The following MYO3B variants were observed in gnomAD, a reference collection of about 807,000 sequenced individuals.
MYO3B encodes myosin-IIIb.
Under a neutral mutation model 174.6 loss-of-function variants are expected in MYO3B, and 156 were observed. That is an observed-to-expected ratio of 0.89 (90% CI 0.78 to 1.02). The LOEUF is 1.02. Ranked by LOEUF, MYO3B falls within the 50% of genes least tolerant of loss-of-function variation. MYO3B has a pLI of 0.00. For missense variants in MYO3B, 1,632 were observed against 1,639.4 expected (o/e 1.00, Z 0.08); for synonymous variants, 563 against 569.1 (o/e 0.99, Z 0.15).
chr2:170,619,734 A>ATACTTTTT (rs1553539463), intron 32 of MYO3B, among the ~76,000 whole-genome samples: 4 of 33,518 alleles, frequency 1.2e-4, no homozygotes, highest in Non-Finnish European at 2.9e-4. Context: ...CTGCTGCCAT[A>ATACTTTTT]TTCTTTTTTT....
Position 170,382,101 on chromosome 2 carries a change from G to A in MYO3B, c.1057G>A (p.Val353Ile). ...CLEDDLVNLE[V>I]LDEDTIIHQL... ...TGAGGATGATTTGGTCAACCTAGAG[G>A]TTCTGGATGAGGTACTAAATATTTA... Residue 353 changes from valine to isoleucine, a missense_variant, in exon 10 of 35, where the codon GTT (valine) becomes ATT (isoleucine). By Grantham distance (29) the Val-to-Ile change is conservative. Coordinates refer to ENST00000408978, the MANE Select transcript of MYO3B (RefSeq NM_138995.5). 1.2e-6 allele frequency: 2 copies of A among 1,612,760 alleles called. No homozygotes were observed. Among genetic ancestry groups the A allele is most frequent in the Non-Finnish European group, 1.7e-6 (2 of 1,179,046 alleles).
chr2:170,284,964 A>G (rs1234059031), intron 7 of MYO3B, among the ~76,000 whole-genome samples: 6 of 152,376 alleles, frequency 3.9e-5, no homozygotes, highest in East Asian at 1.9e-4. Flanking sequence ...CATACTGTAC[A>G]TATCCAATTG....
chr2:170,278,061 A>G (rs2093476411), intron 7 of MYO3B, among the ~76,000 whole-genome samples: 1 of 152,184 alleles, frequency 6.6e-6, no homozygotes, highest in African/African-American at 2.4e-5. Flanking sequence ...AGTTTATTAG[A>G]CAGAATTAGA....
intron 30 of MYO3B, chr2:170,524,775 G>A (rs377382451): frequency 4.6e-5 from 13 of 284,074 alleles, no homozygotes; most frequent in African/African-American, 2.5e-4. Flanking sequence ...ATGAGCCACC[G>A]TGCCTGGCCT....
At chr2:170,318,140 G>A (rs995179257) in intron 7 of MYO3B, among the ~76,000 whole-genome samples, 1 of 152,168 alleles carries the variant, frequency 6.6e-6, no homozygotes, top group African/African-American at 2.4e-5. Flanking sequence ...ACAGTGCTTT[G>A]TAAAATATAA....
chr2:170,543,014 A>T (rs374143317), intron 31 of MYO3B, 48 bp downstream of exon 31: 8 of 1,490,050 alleles, frequency 5.4e-6, no homozygotes, highest in Middle Eastern at 3.4e-4. Context: ...ACTCCTTCAG[A>T]CTCATCCAAG....
At chr2:170,373,812 C>G (rs2094266540) in intron 9 of MYO3B, among the ~76,000 whole-genome samples, 1 of 140,828 alleles carries the variant, frequency 7.1e-6, no homozygotes, top group Non-Finnish European at 1.5e-5. Context: ...TGAGGAAATT[C>G]ATGTTGAATG....
Position 170,402,837 on chromosome 2 carries a change from C to G in MYO3B, c.2130-11C>G. 1.3e-6 allele frequency: 2 copies of G among 1,594,596 alleles called. No individual in the cohort carries two copies. The highest frequency in any genetic ancestry group is 1.7e-6 in the Non-Finnish European group (2 of 1,166,034). On this transcript the variant is annotated splice_polypyrimidine_tract_variant and intron_variant, in intron 18 of 34. Transcript: ENST00000408978. ...CTCCCCTAAAGAGTTTTGTTCTTCT[C>G]TCTCATGCAGTAGTGCAGGAGGTGG...
chr2:170,183,996 A>G (rs11687537), intron 1 of MYO3B, among the ~76,000 whole-genome samples: 64,881 of 151,690 alleles, frequency 0.43, 15,121 homozygotes, highest in East Asian at 0.56. Flanking sequence ...CTAATGTTGC[A>G]TTATCTTTGC....
chr2:170,650,420 A>G (rs1029514691), intron 32 of MYO3B, among the ~76,000 whole-genome samples: 1 of 152,110 alleles, frequency 6.6e-6, no homozygotes, highest in Non-Finnish European at 1.5e-5. Context: ...TCTCTGGTGA[A>G]GTTAAAATAT....
intron 28 of MYO3B, among the ~76,000 whole-genome samples, chr2:170,507,340 T>C (rs1687677086): frequency 2.0e-5 from 3 of 152,144 alleles, no homozygotes; most frequent in South Asian, 2.1e-4. Context: ...TTCACTCTCA[T>C]GCTATCTTGG....
In MYO3B at chr2:170,227,029, C is replaced by G. The variant is rs577935255; in HGVS notation, c.604-8962C>G. On this transcript the variant is annotated intron_variant, in intron 6 of 34. Transcript: ENST00000408978. ...GTCCCAAATTACCCATGACTGACCTCCAGTCAGTGCCTCCACTGCCCTGTT... is the reference window on the plus strand; with the variant it reads ...GTCCCAAATTACCCATGACTGACCTGCAGTCAGTGCCTCCACTGCCCTGTT... 1.4e-4 allele frequency among the ~76,000 whole-genome samples: 22 copies of G among 152,314 alleles called. No individual in the cohort carries two copies. The East Asian group carries it at 4.2e-3, about 29-fold the overall frequency.
chr2:170,262,913 T>C (rs1179882785), intron 7 of MYO3B, among the ~76,000 whole-genome samples: 1 of 152,232 alleles, frequency 6.6e-6, no homozygotes, highest in African/African-American at 2.4e-5. Flanking sequence ...ATTTAATGCA[T>C]ACTTAATCTA....
At position 170,214,820 on chromosome 2, in the gene MYO3B, T is replaced by C; in HGVS notation, c.518T>C (p.Val173Ala). 1 of 1,612,958 alleles carries C rather than the reference T, an allele frequency of 6.2e-7. No individual in the cohort carries two copies. The highest frequency in any genetic ancestry group is 1.1e-5 in the South Asian group (1 of 91,042). Residue 173 changes from valine (V) to alanine (A), a missense_variant, in exon 5 of 35, where the codon GTT becomes GCT. Val to Ala is a moderately conservative substitution (Grantham distance 64). Transcript: ENST00000408978. ...LLTTEGGVKL[V>A]DFGVSAQLTS... ...ACAACAGAAGGAGGAGTTAAGCTCG[T>C]TGACTTTGGTAATGACTGCTTGTCG... is the stretch of plus-strand genomic sequence containing the variant.
At chr2:170,322,622 A>G (rs901222081) in intron 7 of MYO3B, among the ~76,000 whole-genome samples, 9 of 152,172 alleles carry the variant, frequency 5.9e-5, no homozygotes, top group African/African-American at 2.2e-4. Flanking sequence ...CTATTCTTGC[A>G]GTTAGTACGA....
At chr2:170,649,002 AAATAATATATAATGTATAATATATAAAAT>A (rs1698658390) in intron 32 of MYO3B, among the ~76,000 whole-genome samples, 2 of 82,186 alleles carry the variant, frequency 2.4e-5, no homozygotes, top group African/African-American at 1.0e-4. Context: ...ATAATATATA[AAATAATATATAATGTATAATATATAAAAT>A]AATATATAAT....
chr2:170,353,942 A>C (rs1056755819), intron 8 of MYO3B, among the ~76,000 whole-genome samples: 1 of 152,206 alleles, frequency 6.6e-6, no homozygotes, highest in Non-Finnish European at 1.5e-5. Flanking sequence ...TATCATCCAC[A>C]TGATAATTGA....
chr2:170,593,277 A>AT (rs1693934386), intron 32 of MYO3B, among the ~76,000 whole-genome samples: 1 of 152,054 alleles, frequency 6.6e-6, no homozygotes, highest in African/African-American at 2.4e-5. Flanking sequence ...TTTTTAAATT[A>AT]TTTTTTGTAG....
At chr2:170,300,806 GT>G (rs2093660726) in intron 7 of MYO3B, among the ~76,000 whole-genome samples, 1 of 152,158 alleles carries the variant, frequency 6.6e-6, no homozygotes, top group African/African-American at 2.4e-5. Context: ...TACATCTTAA[GT>G]GACTTACTTG....
Sources: allele counts gnomAD v4.1 joint callset (sites outside exome capture counted in the v4.1 genomes callset), GRCh38; gene constraint gnomAD v4.1.1; transcripts MANE v1.5; gene names NCBI Gene and HGNC (gene_info 2026-07-23, HGNC 2026-07-21).